Variants in ADAMTS18 observed in about 807,000 individuals in gnomAD.
ADAMTS18 encodes A disintegrin and metalloproteinase with thrombospondin motifs 18.
A neutral mutation model predicts 165.9 loss-of-function variants in ADAMTS18; 157 were observed. That is an observed-to-expected ratio of 0.95 (90% CI 0.83 to 1.08). ADAMTS18 has a LOEUF of 1.08. ADAMTS18 is among the 50% of genes least tolerant of loss of function. ADAMTS18 has a pLI of 0.00. For synonymous variants in ADAMTS18, 782 were observed against 578.2 expected, an observed-to-expected ratio of 1.35 and a Z score of -5.06; for missense variants, 2,040 against 1,534.0, an observed-to-expected ratio of 1.33 and a Z score of -5.51.
chr16:77,424,232 G>T (rs140027571), intron 3 of ADAMTS18, among the ~76,000 whole-genome samples: 1 of 152,192 alleles, frequency 6.6e-6, no homozygotes, highest in Non-Finnish European at 1.5e-5. Flanking sequence ...ACTTTGGGAG[G>T]CCAAGGCAGT....
intron 17 of ADAMTS18, among the ~76,000 whole-genome samples, chr16:77,298,945 G>A (rs942397503): frequency 1.3e-5 from 2 of 152,272 alleles, no homozygotes; most frequent in African/African-American, 4.8e-5. Context: ...GGCAAGGCGA[G>A]AATTTCACAA....
intron 12 of ADAMTS18, among the ~76,000 whole-genome samples, chr16:77,328,129 G>T (rs2056126504): frequency 1.3e-5 from 2 of 152,048 alleles, no homozygotes; most frequent in South Asian, 4.1e-4. Flanking sequence ...CGATGTAAAG[G>T]CAAGCTCTTT....
intron 5 of ADAMTS18, 59 bp downstream of exon 5, chr16:77,364,129 G>T (rs1213770290): frequency 1.9e-6 from 3 of 1,602,070 alleles, no homozygotes; most frequent in Non-Finnish European, 2.6e-6. Context: ...CCATGCAAGA[G>T]AATTCCATGA....
chr16:77,326,540 A>G (rs1329109160), intron 12 of ADAMTS18, among the ~76,000 whole-genome samples: 5 of 151,782 alleles, frequency 3.3e-5, no homozygotes, highest in African/African-American at 1.2e-4. Context: ...GCACCACTAC[A>G]CCTGGCTAAT....
chr16:77,315,774 G>T (rs2055876018), intron 16 of ADAMTS18, among the ~76,000 whole-genome samples: 1 of 152,160 alleles, frequency 6.6e-6, no homozygotes, highest in African/African-American at 2.4e-5. Context: ...GTTAACAAAT[G>T]ATATACTACT....
intron 16 of ADAMTS18, among the ~76,000 whole-genome samples, chr16:77,311,347 G>A (rs2055776514): frequency 6.6e-6 from 1 of 152,098 alleles, no homozygotes. Context: ...TAATATTTTT[G>A]TATTGGAGTA....
At chr16:77,347,690 C>A (rs2056497812) in intron 10 of ADAMTS18, among the ~76,000 whole-genome samples, 1 of 151,520 alleles carries the variant, frequency 6.6e-6, no homozygotes, top group South Asian at 2.1e-4. Context: ...TGTATGTCTC[C>A]TTCTGTGATA....
chr16:77,297,784 A>T (rs1171980631), intron 17 of ADAMTS18, among the ~76,000 whole-genome samples: 1 of 152,092 alleles, frequency 6.6e-6, no homozygotes, highest in Non-Finnish European at 1.5e-5. Flanking sequence ...TTCGTGAGTT[A>T]TATATGGAAA....
intron 21 of ADAMTS18, among the ~76,000 whole-genome samples, chr16:77,289,895 T>C (rs560425000): frequency 2.0e-5 from 3 of 152,034 alleles, no homozygotes; most frequent in Non-Finnish European, 4.4e-5. Flanking sequence ...CATGACAGAG[T>C]TGGTGCTTCT....
chr16:77,341,838 A>G, intron 10 of ADAMTS18, 39 bp from the exon 11 acceptor site: 5 of 1,442,472 alleles, frequency 3.5e-6, no homozygotes, highest in Non-Finnish European at 4.8e-6. Flanking sequence ...TAATGGTGAT[A>G]TACAATAAAA....
rs2056244637 is a variant in ADAMTS18 at position 77,334,184 on chromosome 16, A to ACAG, written c.1859+1571_1859+1572insCTG. Among the ~76,000 whole-genome samples, 4 of 78,776 alleles carry ACAG rather than the reference A, an allele frequency of 5.1e-5. 1 individual carries two copies. Among genetic ancestry groups the ACAG allele is most frequent in the South Asian group, 4.0e-4 (1 of 2,490 alleles). The allele number at this position is 78,776 out of a possible 152,430, so 51.7% of individuals were successfully genotyped here. A position where few individuals can be genotyped will look rare whatever the true frequency, so the allele number is the denominator to read the frequency against. On this transcript the variant is annotated intron_variant, in intron 12 of 22. Transcript: ENST00000282849. ...CAGTGTTATATATTATATATAATAT[A>ACAG]TAGTGTTATATATTACATATAATAT...
intron 19 of ADAMTS18, among the ~76,000 whole-genome samples, chr16:77,293,656 G>A (rs980904086): frequency 2.6e-5 from 4 of 151,258 alleles, no homozygotes; most frequent in Non-Finnish European, 2.9e-5. Context: ...CACCAGGGTC[G>A]GCTTTTGCAG....
intron 3 of ADAMTS18, among the ~76,000 whole-genome samples, chr16:77,400,762 C>T (rs1262220251): frequency 6.6e-6 from 1 of 151,868 alleles, no homozygotes; most frequent in African/African-American, 2.4e-5. Context: ...AGCCACCACG[C>T]CTGGCCTCTC....
chr16:77,391,928 C>A (rs1476626507), intron 3 of ADAMTS18, among the ~76,000 whole-genome samples: 2 of 152,104 alleles, frequency 1.3e-5, no homozygotes, highest in African/African-American at 4.8e-5. Context: ...CAGAGGTGCT[C>A]TAACTTTAAT....
intron 3 of ADAMTS18, among the ~76,000 whole-genome samples, chr16:77,406,858 C>T (rs1257320235): frequency 1.3e-5 from 2 of 152,014 alleles, no homozygotes; most frequent in Admixed American, 1.3e-4. Flanking sequence ...AAGCCAAATA[C>T]TGCATGTTCT....
chr16:77,389,847 G>A (rs1297101562), intron 3 of ADAMTS18, among the ~76,000 whole-genome samples: 1 of 152,158 alleles, frequency 6.6e-6, no homozygotes, highest in East Asian at 1.9e-4. Context: ...CTGTGCACTG[G>A]TATGCATAGG....
chr16:77,300,689 C>T (rs1375816337), intron 16 of ADAMTS18, among the ~76,000 whole-genome samples: 1 of 152,098 alleles, frequency 6.6e-6, no homozygotes, highest in African/African-American at 2.4e-5. Context: ...CATACATACA[C>T]ACACACACTC....
rs149362830 is a variant in ADAMTS18, at chr16:77,408,809, A to G, written c.495+22486T>C. Among the ~76,000 whole-genome samples, 335 of 152,196 alleles carry G rather than the reference A, an allele frequency of 2.2e-3. 1 individual carries two copies. Among genetic ancestry groups the G allele is most frequent in the African/African-American group, 7.7e-3 (320 of 41,522 alleles). ...AGAGGAGTGTGGCCACTTTCTGAAA[A>G]TCAATTAGCTGTATACAACAGTTCC... On this transcript the variant is annotated intron_variant, in intron 3 of 22. Transcript: ENST00000282849.
chr16:77,390,594 G>A (rs374784211), intron 3 of ADAMTS18, among the ~76,000 whole-genome samples: 3 of 152,162 alleles, frequency 2.0e-5, no homozygotes, highest in East Asian at 1.9e-4. Flanking sequence ...GCAGGCTGAG[G>A]CAGGAGAATT....
Sources: allele counts gnomAD v4.1 joint callset (sites outside exome capture counted in the v4.1 genomes callset), GRCh38; gene constraint gnomAD v4.1.1; transcripts MANE v1.5; gene names NCBI Gene and HGNC (gene_info 2026-07-23, HGNC 2026-07-21).